MTDH: variants seen among roughly 807,000 people sequenced by gnomAD.
MTDH encodes protein LYRIC.
Under a neutral mutation model 72.7 loss-of-function variants are expected in MTDH, and 34 were observed. The ratio of observed to expected loss-of-function variants is 0.47; its 90% CI spans 0.36 to 0.62. The LOEUF (loss-of-function observed/expected upper bound fraction) is 0.62, where lower values mean the gene tolerates loss of function less well. Among genes scored for constraint, MTDH ranks in the 20% least tolerant of loss-of-function variants. The pLI, the probability that MTDH is intolerant of heterozygous loss-of-function variation, is 0.00. For synonymous variants in MTDH, 266 were observed against 268.9 expected (o/e 0.99, Z 0.10); for missense variants, 677 against 699.4 (o/e 0.97, Z 0.36).
chr8:97,664,114 G>A (rs150202149), intron 2 of MTDH, among the ~76,000 whole-genome samples: 1 of 152,182 alleles, frequency 6.6e-6, no homozygotes, highest in South Asian at 2.1e-4. Flanking sequence ...CCAGCACTTT[G>A]GGAGGCTGAG....
At chr8:97,652,697 A>C (rs1456050553) in intron 1 of MTDH, among the ~76,000 whole-genome samples, 14 of 152,232 alleles carry the variant, frequency 9.2e-5, no homozygotes, top group Admixed American at 7.2e-4. Flanking sequence ...AAATAAATTT[A>C]TCTCTTAATA....
chr8:97,666,337 A>G (rs1812385658), intron 2 of MTDH, among the ~76,000 whole-genome samples: 1 of 152,222 alleles, frequency 6.6e-6, no homozygotes, highest in African/African-American at 2.4e-5. Context: ...AAATATTTGT[A>G]CAAAACATTT....
At chr8:97,703,101 A>C (rs1361923440) in intron 7 of MTDH, among the ~76,000 whole-genome samples, 1 of 152,212 alleles carries the variant, frequency 6.6e-6, no homozygotes, top group Admixed American at 6.5e-5. Context: ...GCCATGGCTC[A>C]CACTTGTAAT....
intron 2 of MTDH, among the ~76,000 whole-genome samples, chr8:97,684,288 T>C (rs1813271611): frequency 6.6e-6 from 1 of 152,180 alleles, no homozygotes; most frequent in African/African-American, 2.4e-5. Flanking sequence ...AATGACAGTA[T>C]TATAGATACG....
At position 97,686,761 on chromosome 8, in the gene MTDH, G is replaced by GT. The variant is rs2130999537; in HGVS notation, c.568+9_568+10insT. 6.3e-7 allele frequency: 1 copy of GT among 1,584,302 alleles called. No individual in the cohort carries two copies. Among genetic ancestry groups the GT allele is most frequent in the Non-Finnish European group, 8.6e-7 (1 of 1,164,466 alleles). On this transcript the variant is annotated intron_variant, in intron 3 of 11. Coordinates refer to ENST00000336273, the MANE Select transcript of MTDH (RefSeq NM_178812.4). ...AAAGGAAGTTGATGAAGGTACTTGA[G>GT]CAAGGGAAAGGACTGTAGAAAATTT...
chr8:97,684,642 G>C (rs576950448), intron 2 of MTDH, among the ~76,000 whole-genome samples: 2 of 152,324 alleles, frequency 1.3e-5, no homozygotes, highest in South Asian at 4.1e-4. Context: ...GTAGTTGACA[G>C]ATGTTCAATA....
intron 9 of MTDH, among the ~76,000 whole-genome samples, chr8:97,717,036 A>C (rs1359081320): frequency 6.6e-6 from 1 of 152,126 alleles, no homozygotes; most frequent in African/African-American, 2.4e-5. Context: ...GTTGAGTTCA[A>C]CTTGGGATGG....
In MTDH at chr8:97,644,857, G is replaced by A. The variant is rs1383208341; in HGVS notation, c.351G>A (p.Lys117=). 1 of 1,573,190 alleles carries A rather than the reference G, an allele frequency of 6.4e-7. No homozygotes were observed. Among genetic ancestry groups the A allele is most frequent in the Non-Finnish European group, 8.6e-7 (1 of 1,167,800 alleles). Residue 117 remains lysine, a synonymous_variant, in exon 1 of 12, where the codon AAG becomes AAA. Coordinates refer to ENST00000336273, the MANE Select transcript of MTDH (RefSeq NM_178812.4). ...TCCGGAGCGAGGAACAGAAGAAGAA[G>A]AACCGGAAGAAACTGTCCGAGAAGC... ...KNLRSEEQKK[K]NRKKLSEKPK...
chr8:97,687,423 T>C lies in MTDH; in HGVS notation c.569-6T>C, dbSNP rs760090387. 6 of 1,586,472 alleles carry C rather than the reference T, an allele frequency of 3.8e-6. No homozygotes were observed. Among genetic ancestry groups the C allele is most frequent in the South Asian group, 1.2e-5 (1 of 86,592 alleles). ...GAATAACATTTTTTTTCTGGGGCTATGTCAGGAGCCTGGGAAACTAAAATT... is the reference window on the plus strand; with the variant it reads ...GAATAACATTTTTTTTCTGGGGCTACGTCAGGAGCCTGGGAAACTAAAATT... On this transcript the variant is annotated splice_region_variant and splice_polypyrimidine_tract_variant and intron_variant, in intron 3 of 11. Transcript: ENST00000336273.
intron 2 of MTDH, among the ~76,000 whole-genome samples, chr8:97,661,678 C>T (rs767252402): frequency 2.0e-5 from 3 of 152,120 alleles, no homozygotes; most frequent in Non-Finnish European, 4.4e-5. Flanking sequence ...TGCTATGGCT[C>T]ATGCCTGTAA....
At chr8:97,657,911 A>G (rs1326113729) in intron 1 of MTDH, among the ~76,000 whole-genome samples, 1 of 152,328 alleles carries the variant, frequency 6.6e-6, no homozygotes, top group East Asian at 1.9e-4. Context: ...AAGTAGATCT[A>G]TATAATATGC....
chr8:97,700,661 C>CTCAT (rs1158290620), intron 7 of MTDH, among the ~76,000 whole-genome samples: 1 of 152,194 alleles, frequency 6.6e-6, no homozygotes, highest in Non-Finnish European at 1.5e-5. Context: ...ATTTTATTAT[C>CTCAT]TCATTTAATG....
At chr8:97,660,550 GGACTGTT>G (rs1339201878) in intron 1 of MTDH, among the ~76,000 whole-genome samples, 1 of 152,098 alleles carries the variant, frequency 6.6e-6, no homozygotes, top group Non-Finnish European at 1.5e-5. Flanking sequence ...TTTTTGCTGA[GGACTGTT>G]GATGGCAATC....
Position 97,725,924 on chromosome 8 carries a change from C to T in MTDH, c.*1254C>T, listed in dbSNP as rs1427005233. Reference sequence around the variant, plus strand: ...TTTACCAAACGTGTTTGACAAGGACCATAATTAACATCACTTAGTGAATTG... The same window carrying T: ...TTTACCAAACGTGTTTGACAAGGACTATAATTAACATCACTTAGTGAATTG... On this transcript the variant is annotated 3_prime_UTR_variant, in exon 12 of 12. Coordinates refer to ENST00000336273, the MANE Select transcript of MTDH (RefSeq NM_178812.4). The T allele has an allele frequency of 6.6e-6, 1 of 152,312 alleles. No individual in the cohort carries two copies. The highest frequency in any genetic ancestry group is 1.5e-5 in the Non-Finnish European group (1 of 68,000). The allele number at this position is 152,312 out of a possible 1,614,324, so 9.4% of individuals were successfully genotyped here. A position where few individuals can be genotyped will look rare whatever the true frequency, so the allele number is the denominator to read the frequency against.
chr8:97,687,400 A>G, intron 3 of MTDH, 29 bp from the exon 4 acceptor site: 1 of 1,563,410 alleles, frequency 6.4e-7, no homozygotes, highest in Non-Finnish European at 8.7e-7. Flanking sequence ...CCCTTACTGA[A>G]TAACATTTTT....
At chr8:97,708,093 C>T (rs1814438046) in intron 8 of MTDH, among the ~76,000 whole-genome samples, 1 of 151,218 alleles carries the variant, frequency 6.6e-6, no homozygotes. Flanking sequence ...CTCAGCCTCC[C>T]AGTAGCTGGG....
intron 1 of MTDH, 30 bp downstream of exon 1, chr8:97,644,917 C>T (rs201939785): frequency 1.0e-5 from 15 of 1,507,152 alleles, no homozygotes; most frequent in Non-Finnish European, 8.8e-6. Flanking sequence ...CAGTAGAGAA[C>T]GGGCGAAGGG....
chr8:97,695,349 T>C (rs915163070), intron 6 of MTDH, among the ~76,000 whole-genome samples: 44 of 152,096 alleles, frequency 2.9e-4, no homozygotes, highest in Non-Finnish European at 4.9e-4. Flanking sequence ...CCTGACCTCA[T>C]AATCTGCCCG....
intron 1 of MTDH, among the ~76,000 whole-genome samples, chr8:97,652,853 G>T (rs1432681679): frequency 6.6e-6 from 1 of 152,054 alleles, no homozygotes; most frequent in Non-Finnish European, 1.5e-5. Flanking sequence ...AGAATAATCA[G>T]CCAGGTGCGG....
Sources: gnomAD v4.1 joint callset for allele counts (sites outside exome capture counted in the v4.1 genomes callset) on GRCh38, gnomAD v4.1.1 for gene constraint, MANE v1.5 for transcripts, NCBI Gene and HGNC (gene_info 2026-07-23, HGNC 2026-07-21) for gene names.